GABRB1: variants seen among roughly 807,000 people sequenced by gnomAD.
GABRB1 encodes the protein gamma-aminobutyric acid receptor subunit beta-1.
A neutral mutation model predicts 51.6 loss-of-function variants in GABRB1; 17 were observed. The ratio of observed to expected loss-of-function variants is 0.33; its 90% CI spans 0.23 to 0.49. The LOEUF (loss-of-function observed/expected upper bound fraction) is 0.49. GABRB1 is among the 20% of genes least tolerant of loss of function. The pLI, the probability that GABRB1 is intolerant of heterozygous loss-of-function variation, is 0.99. For synonymous variants in GABRB1, 247 were observed against 218.9 expected (o/e 1.13, Z -1.14); for missense variants, 410 against 600.6 (o/e 0.68, Z 3.32).
intron 7 of GABRB1, among the ~76,000 whole-genome samples, chr4:47,405,819 A>C (rs1728549104): frequency 6.6e-6 from 1 of 152,162 alleles, no homozygotes. Context: ...TTATCACTTC[A>C]TCACCACCAT....
chr4:47,019,308 A>G (rs1724839305), intron 1 of GABRB1, among the ~76,000 whole-genome samples: 1 of 151,818 alleles, frequency 6.6e-6, no homozygotes, highest in Admixed American at 6.6e-5. Flanking sequence ...CGCTCTTTCT[A>G]GTTTCTTTTT....
chr4:47,246,043 G>T (rs1231680896), intron 4 of GABRB1, among the ~76,000 whole-genome samples: 2 of 148,466 alleles, frequency 1.3e-5, no homozygotes, highest in African/African-American at 5.0e-5. Flanking sequence ...CACCATATTT[G>T]TAGTCTTTTA....
At chr4:47,033,267 G>A (rs911016439) in intron 3 of GABRB1, among the ~76,000 whole-genome samples, 1 of 152,170 alleles carries the variant, frequency 6.6e-6, no homozygotes, top group African/African-American at 2.4e-5. Flanking sequence ...TCATTTCAAA[G>A]GGGTCAACAT....
chr4:47,156,386 G>A (rs116320022), intron 3 of GABRB1, among the ~76,000 whole-genome samples: 2,493 of 152,036 alleles, frequency 0.016, 60 homozygotes, highest in African/African-American at 0.058. Flanking sequence ...TTTTGAACCA[G>A]ACAATTCTTT....
Position 47,315,360 on chromosome 4 carries a change from T to C in GABRB1, c.462-4767T>C, listed in dbSNP as rs118069150. On this transcript the variant is annotated intron_variant, in intron 4 of 8. Coordinates refer to ENST00000295454, the MANE Select transcript of GABRB1 (RefSeq NM_000812.4). ...ATCTCACACCAGTCAGAATGGCTAT[T>C]ATTAGAAAGTAAAAAAATATGAGAT... Among the ~76,000 whole-genome samples, 257 of 151,974 alleles carry C rather than the reference T, an allele frequency of 1.7e-3. 4 individuals are homozygous for C. The East Asian group carries it at 0.033, about 20-fold the overall frequency.
chr4:47,195,326 C>T, intron 4 of GABRB1, among the ~76,000 whole-genome samples: 1 of 151,834 alleles, frequency 6.6e-6, no homozygotes. Context: ...AAGATCATGC[C>T]ACTGCACTCC....
chr4:47,351,407 T>C (rs1726325442), intron 5 of GABRB1, among the ~76,000 whole-genome samples: 1 of 152,090 alleles, frequency 6.6e-6, no homozygotes, highest in South Asian at 2.1e-4. Flanking sequence ...AGAATTTTGG[T>C]TTCTTTTTAT....
chr4:47,018,982 G>A (rs900480438), intron 1 of GABRB1, among the ~76,000 whole-genome samples: 1 of 152,058 alleles, frequency 6.6e-6, no homozygotes, highest in African/African-American at 2.4e-5. Context: ...AACTGCACAT[G>A]CATCACTAGC....
chr4:47,345,088 A>G (rs892353004), intron 5 of GABRB1, among the ~76,000 whole-genome samples: 1 of 152,186 alleles, frequency 6.6e-6, no homozygotes, highest in Admixed American at 6.6e-5. Flanking sequence ...ATTTATCTAC[A>G]CTATTAAAAT....
chr4:47,388,014 C>A (rs1481379173), intron 5 of GABRB1, among the ~76,000 whole-genome samples: 1 of 152,106 alleles, frequency 6.6e-6, no homozygotes, highest in Non-Finnish European at 1.5e-5. Context: ...GCACTAGAGT[C>A]CCATTGGTGT....
At position 47,108,216 on chromosome 4, in the gene GABRB1, C is replaced by A. The variant is rs1448655081; in HGVS notation, c.241-53033C>A. ...TAATTCTGCAAAAGGTTTCAGAGGC[C>A]ATGGAATTTTTAAAAGAATACTTTT... On this transcript the variant is annotated intron_variant, in intron 3 of 8. Coordinates refer to ENST00000295454, the MANE Select transcript of GABRB1 (RefSeq NM_000812.4). Among the ~76,000 whole-genome samples, 4 of 152,068 alleles carry A rather than the reference C, an allele frequency of 2.6e-5. No individual in the cohort carries two copies. In the East Asian group the frequency reaches 7.7e-4, roughly 29 times the overall value.
At chr4:47,118,459 T>C (rs1715602570) in intron 3 of GABRB1, among the ~76,000 whole-genome samples, 1 of 152,138 alleles carries the variant, frequency 6.6e-6, no homozygotes, top group African/African-American at 2.4e-5. Flanking sequence ...TTTTATCACT[T>C]TACAGTTTTA....
intron 5 of GABRB1, among the ~76,000 whole-genome samples, chr4:47,391,184 A>C (rs1727978461): frequency 6.6e-6 from 1 of 150,592 alleles, no homozygotes; most frequent in South Asian, 2.1e-4. Context: ...TCAAAGAAAA[A>C]AACAAAAGAA....
At chr4:47,090,771 A>G (rs561405127) in intron 3 of GABRB1, among the ~76,000 whole-genome samples, 56 of 152,342 alleles carry the variant, frequency 3.7e-4, no homozygotes, top group African/African-American at 1.0e-3. Context: ...CCAGTGCAGC[A>G]TAGAATGACC....
intron 1 of GABRB1, among the ~76,000 whole-genome samples, chr4:47,014,943 G>A (rs1724701514): frequency 6.6e-6 from 1 of 152,286 alleles, no homozygotes; most frequent in South Asian, 2.1e-4. Context: ...GTCTCGCCCT[G>A]CCTTGCAGAC....
At chr4:47,210,175 G>A (rs903753886) in intron 4 of GABRB1, among the ~76,000 whole-genome samples, 6 of 152,134 alleles carry the variant, frequency 3.9e-5, no homozygotes, top group Admixed American at 2.0e-4. Flanking sequence ...ATTAATGGTA[G>A]GACACAGCAA....
chr4:47,128,008 A>T (rs2109666087), intron 3 of GABRB1, among the ~76,000 whole-genome samples: 1 of 151,892 alleles, frequency 6.6e-6, no homozygotes, highest in East Asian at 1.9e-4. Flanking sequence ...ATTTACAACT[A>T]AGAAAGTCAT....
chr4:47,137,990 T>C (rs1253563019), intron 3 of GABRB1, among the ~76,000 whole-genome samples: 1 of 152,142 alleles, frequency 6.6e-6, no homozygotes, highest in Non-Finnish European at 1.5e-5. Context: ...ACTATTTCCA[T>C]TGCAGTGAGG....
chr4:47,142,734 T>C (rs575381755), intron 3 of GABRB1, among the ~76,000 whole-genome samples: 4 of 151,526 alleles, frequency 2.6e-5, no homozygotes, highest in Non-Finnish European at 5.9e-5. Context: ...ATGAAGGAAA[T>C]TGGTAATTGA....
Sources: allele counts gnomAD v4.1 joint callset (sites outside exome capture counted in the v4.1 genomes callset), GRCh38; gene constraint gnomAD v4.1.1; transcripts MANE v1.5; gene names NCBI Gene and HGNC (gene_info 2026-07-23, HGNC 2026-07-21).